ARHGAP21: variants seen among roughly 807,000 people sequenced by gnomAD.
ARHGAP21 encodes rho GTPase-activating protein 21.
In ARHGAP21, 38 loss-of-function variants were observed where a neutral mutation model predicts 164.6. The ratio of observed to expected loss-of-function variants is 0.23; its 90% confidence interval spans 0.18 to 0.30. The LOEUF (loss-of-function observed/expected upper bound fraction) is 0.30. Among genes scored for constraint, ARHGAP21 ranks in the 10% least tolerant of loss-of-function variants. The pLI is 1.00. For synonymous variants in ARHGAP21, 766 were observed against 857.9 expected (o/e 0.89, Z 1.87); for missense variants, 1,822 against 2,370.7 (o/e 0.77, Z 4.81).
At chr10:24,683,538 C>A (rs1165106853) in intron 2 of ARHGAP21, among the ~76,000 whole-genome samples, 1 of 151,958 alleles carries the variant, frequency 6.6e-6, no homozygotes, top group Non-Finnish European at 1.5e-5. Context: ...GTTGCCCAGG[C>A]TGGAGTGCAG....
intron 4 of ARHGAP21, among the ~76,000 whole-genome samples, chr10:24,664,550 G>A (rs1302991627): frequency 1.4e-5 from 2 of 144,676 alleles, no homozygotes; most frequent in East Asian, 2.0e-4. Flanking sequence ...GTGAGATTCC[G>A]TCTCAAAAAA....
chr10:24,606,650 G>C lies in ARHGAP21; in HGVS notation c.2684+849C>G, dbSNP rs541132740. On this transcript the variant is annotated intron_variant, in intron 11 of 25. Transcript: ENST00000396432. ...GTGGATCACCTGAGATCAGGAGTTT[G>C]AGACCAGCCTGACCAACATGGTGAA... 7.9e-5 allele frequency among the ~76,000 whole-genome samples: 12 copies of C among 152,180 alleles called. No individual in the cohort carries two copies. In the East Asian group the frequency reaches 2.3e-3, roughly 29 times the overall value.
rs182978369 is a variant in ARHGAP21 at position 24,619,446 on chromosome 10, T to C, written c.2422+27A>G. 2.3e-5 allele frequency: 37 copies of C among 1,582,228 alleles called. No individual in the cohort carries two copies. In the Admixed American group the frequency reaches 5.8e-4, roughly 25 times the overall value. On this transcript the variant is annotated intron_variant, in intron 9 of 25. Coordinates refer to ENST00000396432, the MANE Select transcript of ARHGAP21 (RefSeq NM_020824.4). ...AAAGATTTCTTATACATTTGGCATA[T>C]TAGCCAATGACTCTAAATGAGCTCA...
rs2076011102 is a variant in ARHGAP21, at chr10:24,584,403, A to AC, written c.*8dup. The AC allele has an allele frequency of 6.3e-7, 1 of 1,583,606 alleles. No individual in the cohort carries two copies. ...TTTTTTTACTTGCTAGAGTGGACAT[A>AC]CCCCCAGTTTAAAGACAGGGATGAA... On this transcript the variant is annotated 3_prime_UTR_variant, in exon 26 of 26. Transcript: ENST00000396432.
chr10:24,590,530 C>T, intron 24 of ARHGAP21: 1 of 1,522,256 alleles, frequency 6.6e-7, no homozygotes, highest in Non-Finnish European at 8.8e-7. Flanking sequence ...CTGAAAAAAC[C>T]CTTTAGGACT....
chr10:24,626,300 ATGTT>A (rs1383549084), intron 7 of ARHGAP21, among the ~76,000 whole-genome samples: 1 of 152,108 alleles, frequency 6.6e-6, no homozygotes, highest in Non-Finnish European at 1.5e-5. Context: ...TACGGTCTGA[ATGTT>A]TGTGTGTTCC....
intron 2 of ARHGAP21, among the ~76,000 whole-genome samples, chr10:24,677,144 CAGGAGGCGG>C (rs1250216271): frequency 6.6e-6 from 1 of 152,136 alleles, no homozygotes; most frequent in East Asian, 1.9e-4. Flanking sequence ...TGCTGGAACC[CAGGAGGCGG>C]AGGTTGCAGT....
At chr10:24,594,605 T>C (rs1219876547) in intron 21 of ARHGAP21, among the ~76,000 whole-genome samples, 3 of 132,604 alleles carry the variant, frequency 2.3e-5, no homozygotes, top group South Asian at 5.0e-4. Context: ...TCTGTTTATG[T>C]CTGTTTTCCC....
intron 4 of ARHGAP21, among the ~76,000 whole-genome samples, chr10:24,662,821 C>G (rs1235910138): frequency 1.3e-5 from 2 of 152,154 alleles, no homozygotes; most frequent in African/African-American, 4.8e-5. Context: ...AGTCTTTTAA[C>G]TAACTTATTG....
At chr10:24,693,189 G>A (rs887151405) in intron 2 of ARHGAP21, among the ~76,000 whole-genome samples, 8 of 152,100 alleles carry the variant, frequency 5.3e-5, no homozygotes, top group African/African-American at 1.7e-4. Context: ...TGCAAACCTC[G>A]CCAAGCTATG....
Position 24,621,066 on chromosome 10 carries a change from G to T in ARHGAP21, c.829C>A (p.Pro277Thr), listed in dbSNP as rs752424273. 6 of 1,613,782 alleles carry T rather than the reference G, an allele frequency of 3.7e-6. No individual in the cohort carries two copies. The African/African-American group carries it at 6.7e-5, about 18-fold the overall frequency. The change falls in exon 9 of 26, where the codon CCT becomes ACT. Residue 277 changes from proline (P) to threonine (T), a missense_variant. By Grantham distance (38) the Pro-to-Thr change is conservative (BLOSUM62 -1). Transcript: ENST00000396432. ...CNESVRTVIV[P>T]SEKVVDLLSN... The stretch of plus-strand genomic sequence containing the variant: ...AACAAATCTACAACCTTCTCAGAAG[G>T]CACAATGACAGTCCTTACACTTTCA...
At chr10:24,697,863 A>C (rs1843310681) in intron 2 of ARHGAP21, among the ~76,000 whole-genome samples, 1 of 152,152 alleles carries the variant, frequency 6.6e-6, no homozygotes, top group African/African-American at 2.4e-5. Context: ...TCCATCTCAA[A>C]AAAATAAAAA....
Position 24,723,614 on chromosome 10 carries a change from C to T in ARHGAP21, c.-433G>A. 1 of 147,616 alleles carries T rather than the reference C, an allele frequency of 6.8e-6. No individual in the cohort carries two copies. Among genetic ancestry groups the T allele is most frequent in the South Asian group, 1.8e-4 (1 of 5,556 alleles). 9.1% of individuals were successfully genotyped at this position (147,616 alleles called of 1,614,324 possible). A position where few individuals can be genotyped will look rare whatever the true frequency, so the allele number is the denominator to read the frequency against. ...ACGGGGCTGGCCGGCTCCGGGACAGCGCGCCCCGCCCGCCCGCCCGGCGTG... is the reference window on the plus strand; with the variant it reads ...ACGGGGCTGGCCGGCTCCGGGACAGTGCGCCCCGCCCGCCCGCCCGGCGTG... On this transcript the variant is annotated 5_prime_UTR_variant, in exon 1 of 26. Coordinates refer to ENST00000396432, the MANE Select transcript of ARHGAP21 (RefSeq NM_020824.4).
chr10:24,645,782 T>G (rs536007556), intron 4 of ARHGAP21, among the ~76,000 whole-genome samples: 1 of 152,238 alleles, frequency 6.6e-6, no homozygotes, highest in South Asian at 2.1e-4. Flanking sequence ...GAAAATAAAG[T>G]TTCTGCTCTA....
intron 2 of ARHGAP21, among the ~76,000 whole-genome samples, chr10:24,692,925 T>G (rs1842866142): frequency 1.3e-5 from 2 of 151,986 alleles, no homozygotes; most frequent in South Asian, 4.2e-4. Context: ...TTTTAGACAA[T>G]TTACAGCTAA....
At chr10:24,698,231 T>C (rs1843349968) in intron 2 of ARHGAP21, among the ~76,000 whole-genome samples, 1 of 152,178 alleles carries the variant, frequency 6.6e-6, no homozygotes, top group African/African-American at 2.4e-5. Context: ...AAATATATAG[T>C]ACTATGTAAA....
chr10:24,610,049 C>T (rs890278907), intron 9 of ARHGAP21, among the ~76,000 whole-genome samples: 1 of 152,150 alleles, frequency 6.6e-6, no homozygotes, highest in African/African-American at 2.4e-5. Context: ...CATAAACATT[C>T]GTGTTAAACT....
intron 2 of ARHGAP21, among the ~76,000 whole-genome samples, chr10:24,712,128 G>T (rs1311254966): frequency 6.6e-6 from 1 of 151,976 alleles, no homozygotes; most frequent in Non-Finnish European, 1.5e-5. Context: ...GTTGGCCAGG[G>T]TGGTCTCGAA....
chr10:24,660,386 T>TAAAAAAAAAAAA (rs56053080), intron 4 of ARHGAP21, among the ~76,000 whole-genome samples: 2 of 60,066 alleles, frequency 3.3e-5, no homozygotes, highest in African/African-American at 1.2e-4. Flanking sequence ...CTCTCTCTCT[T>TAAAAAAAAAAAA]AAAAAAAAAA....
Sources: gnomAD v4.1 joint callset for allele counts (sites outside exome capture counted in the v4.1 genomes callset) on GRCh38, gnomAD v4.1.1 for gene constraint, MANE v1.5 for transcripts, NCBI Gene and HGNC (gene_info 2026-07-23, HGNC 2026-07-21) for gene names.